The following DISP3 variants were observed in gnomAD, a reference collection of about 807,000 sequenced individuals.
The protein encoded by DISP3 is protein dispatched homolog 3.
A neutral mutation model predicts 135.3 loss-of-function variants in DISP3; 101 were observed. That is an observed-to-expected ratio of 0.75 (90% confidence interval 0.64 to 0.88). DISP3 has a LOEUF of 0.88. DISP3 is among the 40% of genes least tolerant of loss of function. DISP3 has a pLI of 0.00. For synonymous variants in DISP3, 856 were observed against 817.0 expected, an observed-to-expected ratio of 1.05 and a Z score of -0.81; for missense variants, 1,713 against 1,878.6, an observed-to-expected ratio of 0.91 and a Z score of 1.63.
chr1:11,515,588 C>G, intron 5 of DISP3, 85 bp downstream of exon 5: 2 of 1,516,830 alleles, frequency 1.3e-6, no homozygotes. Flanking sequence ...CAAAGCCTGG[C>G]TTCCCTGGGG....
Position 11,515,378 on chromosome 1 carries a change from CCTT to C in DISP3, c.1467_1469del (p.Phe490del). On this transcript the variant is annotated inframe_deletion, in exon 5 of 21. Coordinates refer to ENST00000294484, the MANE Select transcript of DISP3 (RefSeq NM_020780.2). ...CTCTTACCCTGCCCAGTGTTCCTGT[CCTT>C]CTTTGGGATTGCCAGCATTGGTCTC... is the stretch of plus-strand genomic sequence containing the variant. The C allele has an allele frequency of 6.2e-7, 1 of 1,614,222 alleles. No individual in the cohort carries two copies. Among genetic ancestry groups the C allele is most frequent in the South Asian group, 1.1e-5 (1 of 91,090 alleles).
chr1:11,502,688 G>C lies in DISP3; in HGVS notation c.1107G>C (p.Glu369Asp). 1 of 1,613,882 alleles carries C rather than the reference G, an allele frequency of 6.2e-7. No homozygotes were observed. The highest frequency in any genetic ancestry group is 1.1e-5 in the South Asian group (1 of 91,048). ...QDLADIRGSL[E>D]LAMTHPEFYW... Reference sequence around the variant, plus strand: ...CCCCTGTCCTTGCAGGCTCCCTGGAGCTGGCCATGACTCACCCTGAGTTCT... The same window carrying C: ...CCCCTGTCCTTGCAGGCTCCCTGGACCTGGCCATGACTCACCCTGAGTTCT... Residue 369 changes from glutamate (E) to aspartate (D), a missense_variant, in exon 3 of 21, where the codon GAG becomes GAC. Physicochemically the swap from Glu to Asp is conservative, Grantham distance 45. Coordinates refer to ENST00000294484, the MANE Select transcript of DISP3 (RefSeq NM_020780.2).
chr1:11,517,789 T>A (rs1023255793), intron 7 of DISP3, among the ~76,000 whole-genome samples, 187 bp downstream of exon 7: 2 of 152,184 alleles, frequency 1.3e-5, no homozygotes, highest in African/African-American at 4.8e-5. Context: ...CACCAGGAAG[T>A]GAGCAAAGCA....
chr1:11,525,095 G>A, intron 11 of DISP3, 81 bp from the exon 12 acceptor site: 1 of 1,546,760 alleles, frequency 6.5e-7, no homozygotes, highest in Non-Finnish European at 8.9e-7. Context: ...AGTCGACAGA[G>A]CTGAGGGTGG....
chr1:11,499,152 A>G lies in DISP3; in HGVS notation c.-3-1838A>G, dbSNP rs1221034064. Among the ~76,000 whole-genome samples, 2 of 152,152 alleles carry G rather than the reference A, an allele frequency of 1.3e-5. No individual in the cohort carries two copies. Among genetic ancestry groups the G allele is most frequent in the Admixed American group, 1.3e-4 (2 of 15,276 alleles). On this transcript the variant is annotated intron_variant, in intron 1 of 20. Transcript: ENST00000294484. This position sits in a 1 kb window ranked among gnomAD's most constrained non-coding sequence, Gnocchi z 5.2. ...TTCCTGGTGGAATAGCAATGGGATC[A>G]AGGGGCCTTCAGATCACCCAAGGAG... is the stretch of plus-strand genomic sequence containing the variant.
At chr1:11,513,948 GTTT>G (rs57749480) in intron 3 of DISP3, among the ~76,000 whole-genome samples, 114 of 147,968 alleles carry the variant, frequency 7.7e-4, no homozygotes, top group African/African-American at 2.6e-3. Flanking sequence ...GCCTGGTTAT[GTTT>G]TTTTTTTTTT....
rs1642653001 is a variant in DISP3 at position 11,534,384 on chromosome 1, A to G, written c.3379A>G (p.Thr1127Ala). The G allele has an allele frequency of 1.2e-6, 2 of 1,614,032 alleles. No homozygotes were observed. The highest frequency in any genetic ancestry group is 1.7e-5 in the Admixed American group (1 of 60,006). Residue 1127 changes from threonine to alanine, a missense_variant, in exon 18 of 21, where the codon ACG becomes GCG. Thr to Ala is a moderately conservative substitution (Grantham distance 58). Around this residue, in one of 2 missense-constraint regions of DISP3, gnomAD observed 1,142 missense variants for 1,384.6 expected, o/e 0.82. Coordinates refer to ENST00000294484, the MANE Select transcript of DISP3 (RefSeq NM_020780.2). ...TAGCTCACATCTCTCCCCACAGACC[A>G]CGTACAAGGGCAAATCCTCCTTCCA... ...QWISMAFEST[T>A]YKGKSSFQTY...
chr1:11,490,328 C>T (rs2100368740), intron 1 of DISP3, among the ~76,000 whole-genome samples: 1 of 152,280 alleles, frequency 6.6e-6, no homozygotes, highest in South Asian at 2.1e-4. Flanking sequence ...AGTGCAGTGG[C>T]ATGATCTTGG....
At chr1:11,485,571 AG>A (rs1336035525) in intron 1 of DISP3, among the ~76,000 whole-genome samples, 1 of 152,076 alleles carries the variant, frequency 6.6e-6, no homozygotes, top group African/African-American at 2.4e-5. Context: ...GTTTGGGAAA[AG>A]TATGTGTCCC....
At chr1:11,535,450 A>C (rs763640242) in intron 19 of DISP3, 28 bp from the exon 20 acceptor site, 1 of 1,583,442 alleles carries the variant, frequency 6.3e-7, no homozygotes, top group Non-Finnish European at 8.6e-7. Flanking sequence ...GGGGGATCCG[A>C]GCTGCCCCCC....
intron 12 of DISP3, 126 bp from the exon 13 acceptor site, chr1:11,526,525 C>A: frequency 8.9e-7 from 1 of 1,126,334 alleles, no homozygotes; most frequent in Admixed American, 2.0e-5. Flanking sequence ...AGGGCTCTGT[C>A]CCCAACTCCG....
At chr1:11,487,978 C>T (rs981739563) in intron 1 of DISP3, among the ~76,000 whole-genome samples, 4 of 152,142 alleles carry the variant, frequency 2.6e-5, no homozygotes, top group Non-Finnish European at 4.4e-5. Context: ...GACGGAGCCC[C>T]GTTATCATGG....
chr1:11,502,653 G>A, intron 2 of DISP3, 25 bp from the exon 3 acceptor site: 1 of 1,602,666 alleles, frequency 6.2e-7, no homozygotes, highest in Admixed American at 1.7e-5. Flanking sequence ...CTGAACTCTT[G>A]GGGCCCCCAC....
chr1:11,532,993 A>C (rs1642612564), intron 17 of DISP3, among the ~76,000 whole-genome samples: 1 of 152,082 alleles, frequency 6.6e-6, no homozygotes, highest in Non-Finnish European at 1.5e-5. Context: ...GGCATGAGCC[A>C]CTGCATCTGG....
chr1:11,515,549 GTCTGCC>G, intron 5 of DISP3, 46 bp downstream of exon 5: 1 of 1,561,362 alleles, frequency 6.4e-7, no homozygotes, highest in Non-Finnish European at 8.7e-7. Context: ...CACATGGGAA[GTCTGCC>G]CCATCCCCTT....
At chr1:11,480,413 C>T (rs1640865933) in intron 1 of DISP3, among the ~76,000 whole-genome samples, 1 of 152,056 alleles carries the variant, frequency 6.6e-6, no homozygotes, top group South Asian at 2.1e-4. Flanking sequence ...AAGTACACAC[C>T]CACCCACAAT....
Position 11,529,846 on chromosome 1 carries a change from G to A in DISP3, c.2989G>A (p.Gly997Arg), listed in dbSNP as rs188245470. 9.3e-6 allele frequency: 15 copies of A among 1,614,014 alleles called. No homozygotes were observed. The highest frequency in any genetic ancestry group is 4.4e-5 in the South Asian group (4 of 91,084). ...CAACCCCTGCGTGAACACGGGCTGC[G>A]GGAAGCCGGCGGTGCGGCCACTAGT... is the stretch of plus-strand genomic sequence containing the variant. ...GFNPCVNTGC[G>R]KPAVRPLVDT... The change falls in exon 15 of 21, where the codon GGG (glycine) becomes AGG (arginine). Residue 997 changes from glycine to arginine, a missense_variant. Transcript: ENST00000294484. The surrounding 1 kb of genome is among the most constrained non-coding windows in gnomAD (Gnocchi z 4.7).
intron 3 of DISP3, among the ~76,000 whole-genome samples, chr1:11,513,537 T>C (rs1179496546): frequency 6.9e-6 from 1 of 145,386 alleles, no homozygotes; most frequent in African/African-American, 2.8e-5. Context: ...TGTCTTTTTC[T>C]CAGGCTGCTT....
intron 1 of DISP3, among the ~76,000 whole-genome samples, chr1:11,480,301 A>G (rs1225205430): frequency 1.3e-5 from 2 of 152,098 alleles, no homozygotes; most frequent in African/African-American, 4.8e-5. Flanking sequence ...GAAACTCAGA[A>G]GCCCGCGCAC....
Sources: gnomAD v4.1 joint callset for allele counts (sites outside exome capture counted in the v4.1 genomes callset) on GRCh38, gnomAD v4.1.1 for gene constraint, gnomAD v4.1.1 regional missense constraint, Gnocchi (gnomAD v3.1) non-coding constraint, MANE v1.5 for transcripts, NCBI Gene and HGNC (gene_info 2026-07-23, HGNC 2026-07-21) for gene names.